CDC42BPG: variants seen among roughly 807,000 people sequenced by gnomAD.
The protein encoded by CDC42BPG is CDC42 binding protein kinase gamma.
Under a neutral mutation model 192.2 loss-of-function variants are expected in CDC42BPG, and 157 were observed. That is an observed-to-expected ratio of 0.82 (90% CI 0.72 to 0.93). CDC42BPG has a LOEUF of 0.93. Ranked by LOEUF, CDC42BPG falls within the 40% of genes least tolerant of loss-of-function variation. The pLI is 0.00. For missense variants in CDC42BPG, 1,992 were observed against 2,122.1 expected (o/e 0.94, Z 1.20); for synonymous variants, 981 against 918.5 (o/e 1.07, Z -1.23).
In CDC42BPG at chr11:64,824,371, G is replaced by A. The variant is rs756619950; in HGVS notation, c.*102C>T. On this transcript the variant is annotated 3_prime_UTR_variant, in exon 37 of 37. Coordinates refer to ENST00000342711, the MANE Select transcript of CDC42BPG (RefSeq NM_017525.3). ...CCCAGCCCGGGTCCTCCCTGAGTCC[G>A]AATTTCCATGTCCCGGACCAGCCGG... 3.7e-4 allele frequency: 343 copies of A among 914,886 alleles called. No individual in the cohort carries two copies. Among genetic ancestry groups the A allele is most frequent in the Non-Finnish European group, 5.2e-4 (280 of 542,252 alleles). 56.7% of individuals were successfully genotyped at this position (914,886 alleles called of 1,614,324 possible). A position where few individuals can be genotyped will look rare whatever the true frequency, so the allele number is the denominator to read the frequency against.
chr11:64,839,199 T>C lies in CDC42BPG; in HGVS notation c.710A>G (p.Tyr237Cys), dbSNP rs760928514. 12 of 1,613,132 alleles carry C rather than the reference T, an allele frequency of 7.4e-6. No individual in the cohort carries two copies. The highest frequency in any genetic ancestry group is 2.2e-5 in the East Asian group (1 of 44,898). The change falls in exon 7 of 37, where the codon TAT becomes TGT. Residue 237 changes from tyrosine (Y) to cysteine (C), a missense_variant. This residue lies in a region of CDC42BPG where 1,656 missense variants were observed against 1,844.3 expected (regional missense o/e 0.90). Transcript: ENST00000342711. ...DSSVAVGTPD[Y>C]ISPEILQAME... ...GGCCTGCAGGATCTCAGGGGAGATA[T>C]AGTCCGGCGTCCCTACTGCCACTGA...
chr11:64,844,386 G>C, intron 1 of CDC42BPG, 24 bp downstream of exon 1: 2 of 1,379,898 alleles, frequency 1.4e-6, no homozygotes, highest in Admixed American at 3.3e-5. Flanking sequence ...GCCCGCCCCC[G>C]CTCCGTGCCG....
Position 64,838,908 on chromosome 11 carries a change from G to A in CDC42BPG, c.877-6C>T. 6.2e-7 allele frequency: 1 copy of A among 1,605,700 alleles called. No individual in the cohort carries two copies. The highest frequency in any genetic ancestry group is 1.1e-5 in the South Asian group (1 of 91,014). On this transcript the variant is annotated splice_region_variant and splice_polypyrimidine_tract_variant and intron_variant, in intron 7 of 36. Coordinates refer to ENST00000342711, the MANE Select transcript of CDC42BPG (RefSeq NM_017525.3). ...GGGGGGAACTGCAGGTGGTCCTGTG[G>A]GTCGGGGGAGGGGGCAGGCTGGGTC...
intron 9 of CDC42BPG, 69 bp downstream of exon 9, chr11:64,838,014 T>C (rs1453990020): frequency 7.5e-7 from 1 of 1,329,006 alleles, no homozygotes; most frequent in Non-Finnish European, 1.1e-6. Flanking sequence ...CCCAGTGGGC[T>C]ACGCGCCCAG....
chr11:64,829,789 G>A lies in CDC42BPG; in HGVS notation c.3649C>T (p.Arg1217Cys), dbSNP rs71539692. The A allele has an allele frequency of 8.1e-4, 1,293 of 1,599,876 alleles. 10 individuals are homozygous for A. Among genetic ancestry groups the A allele is most frequent in the Middle Eastern group, 6.4e-3 (38 of 5,976 alleles). Reference sequence around the variant, plus strand: ...GGTGCCTGCAGCTCACGGATGCGGCGCTGCCAGGGCCCAGGGCCCGGGCCC... The same window carrying A: ...GGTGCCTGCAGCTCACGGATGCGGCACTGCCAGGGCCCAGGGCCCGGGCCC... ...QLGPGPGPWQ[R>C]RIRELQAPAT... is the part of the protein sequence containing the mutation. Residue 1217 changes from arginine to cysteine, a missense_variant, in exon 30 of 37, where the codon CGC becomes TGC. By Grantham distance (180) the Arg-to-Cys change is radical (BLOSUM62 -3). This residue lies in a region of CDC42BPG where 1,656 missense variants were observed against 1,844.3 expected (regional missense o/e 0.90). Coordinates refer to ENST00000342711, the MANE Select transcript of CDC42BPG (RefSeq NM_017525.3).
At chr11:64,834,220 C>G in intron 20 of CDC42BPG, 46 bp downstream of exon 20, 1 of 1,519,320 alleles carries the variant, frequency 6.6e-7, no homozygotes, top group Non-Finnish European at 8.8e-7. Flanking sequence ...AAGTGGGAGG[C>G]CGCGGGGGAG....
intron 17 of CDC42BPG, 30 bp downstream of exon 17, chr11:64,835,017 T>TGCCCCCCCCCCCCCCCCCCC: frequency 1.3e-6 from 2 of 1,571,956 alleles, no homozygotes; most frequent in Non-Finnish European, 1.7e-6. Context: ...TCGCCTGCGT[T>TGCCCCCCCCCCCCCCCCCCC]CCCCACCCCG....
chr11:64,831,408 A>G, intron 28 of CDC42BPG, 97 bp downstream of exon 28: 1 of 1,144,026 alleles, frequency 8.7e-7, no homozygotes, highest in Non-Finnish European at 1.3e-6. Flanking sequence ...TCGTGGCTGC[A>G]GGGAATGGGC....
Position 64,829,468 on chromosome 11 carries a change from T to C in CDC42BPG, c.3967+3A>G, listed in dbSNP as rs929305767. 3.7e-6 allele frequency: 6 copies of C among 1,612,250 alleles called. No homozygotes were observed. In the African/African-American group the frequency reaches 4.0e-5, roughly 11 times the overall value. ...CCCCTGCCAAGCCCTCAGCAGGCCT[T>C]ACCCCAGCCCATGGGCGCTGCTGGC... On this transcript the variant is annotated splice_donor_region_variant and intron_variant, in intron 30 of 36. Coordinates refer to ENST00000342711, the MANE Select transcript of CDC42BPG (RefSeq NM_017525.3).
chr11:64,838,231 C>T, intron 8 of CDC42BPG, 69 bp from the exon 9 acceptor site: 6 of 1,293,548 alleles, frequency 4.6e-6, no homozygotes, highest in Non-Finnish European at 6.4e-6. Context: ...CCCAGGAGCC[C>T]CCTGGGACCA....
At chr11:64,841,512 T>C in intron 3 of CDC42BPG, 138 bp downstream of exon 3, 1 of 680,990 alleles carries the variant, frequency 1.5e-6, no homozygotes, top group Non-Finnish European at 2.6e-6. Context: ...AGATAACAAA[T>C]CAGTGGCTGC....
intron 24 of CDC42BPG, 84 bp downstream of exon 24, chr11:64,833,146 AC>A: frequency 3.1e-6 from 4 of 1,271,772 alleles, no homozygotes; most frequent in Non-Finnish European, 4.4e-6. Context: ...GGTGCCAGTG[AC>A]CCTGGGATGG....
intron 8 of CDC42BPG, 118 bp from the exon 9 acceptor site, chr11:64,838,280 G>T (rs997767323): frequency 5.4e-6 from 4 of 737,422 alleles, no homozygotes; most frequent in Non-Finnish European, 8.8e-6. Context: ...ACTCAGGGGG[G>T]TAACACAGCC....
chr11:64,841,497 G>T (rs1943279486), intron 3 of CDC42BPG, among the ~76,000 whole-genome samples, 153 bp downstream of exon 3: 1 of 151,898 alleles, frequency 6.6e-6, no homozygotes, highest in Non-Finnish European at 1.5e-5. Flanking sequence ...GGTTTATTGT[G>T]AGAAAGATAA....
In CDC42BPG at chr11:64,839,518, G is replaced by A. The variant is rs767825522; in HGVS notation, c.635C>T (p.Ala212Val). 1 of 1,613,276 alleles carries A rather than the reference G, an allele frequency of 6.2e-7. No individual in the cohort carries two copies. The highest frequency in any genetic ancestry group is 8.5e-7 in the Non-Finnish European group (1 of 1,179,988). The part of the protein sequence containing the change: ...LLDVNGHIRL[A>V]DFGSCLRLNT... The stretch of plus-strand genomic sequence containing the variant: ...GAGACGCAGGCAGGAGCCGAAGTCA[G>A]CCAGGCGAATGTGCCCGTTCACATC... Residue 212 changes from alanine (A) to valine (V), a missense_variant, in exon 6 of 37, where the codon GCT (alanine) becomes GTT (valine). Coordinates refer to ENST00000342711, the MANE Select transcript of CDC42BPG (RefSeq NM_017525.3).
intron 27 of CDC42BPG, 63 bp downstream of exon 27, chr11:64,832,365 G>T: frequency 6.5e-7 from 1 of 1,526,782 alleles, no homozygotes; most frequent in Non-Finnish European, 9.0e-7. Context: ...GGGGACAGTG[G>T]CCAGAGCTGG....
At chr11:64,826,911 AAGTCCCAGGTAGCAGAAGTGTG>A (rs1942449230) in intron 34 of CDC42BPG, 117 bp from the exon 35 acceptor site, 1 of 1,255,780 alleles carries the variant, frequency 8.0e-7, no homozygotes, top group Non-Finnish European at 1.1e-6. Context: ...GGTTTTACTT[AAGTCCCAGGTAGCAGAAGTGTG>A]AGTCCCAGGC....
intron 1 of CDC42BPG, among the ~76,000 whole-genome samples, chr11:64,843,209 C>G (rs917689323): frequency 7.2e-5 from 11 of 152,152 alleles, no homozygotes; most frequent in Admixed American, 7.2e-4. Flanking sequence ...AGGAATGAGT[C>G]ACAGCCCTTT....
chr11:64,827,718 C>T lies in CDC42BPG; in HGVS notation c.4033G>A (p.Ala1345Thr), dbSNP rs756646608. 1 of 1,613,356 alleles carries T rather than the reference C, an allele frequency of 6.2e-7. No homozygotes were observed. Among genetic ancestry groups the T allele is most frequent in the South Asian group, 1.1e-5 (1 of 90,934 alleles). ...AGCGGCACGGTCTGCACCCATTCTG[C>T]CCTCCTCACGTCAAACACATCGATG... ...NSIDVFDVRRAEWVQTVPLKK... is the reference protein window; with the variant it reads ...NSIDVFDVRRTEWVQTVPLKK... Residue 1345 changes from alanine (A) to threonine (T), a missense_variant, in exon 31 of 37, where the codon GCA becomes ACA. Transcript: ENST00000342711.
Sources: gnomAD v4.1 joint callset for allele counts (sites outside exome capture counted in the v4.1 genomes callset) on GRCh38, gnomAD v4.1.1 for gene constraint, gnomAD v4.1.1 regional missense constraint, MANE v1.5 for transcripts, NCBI Gene and HGNC (gene_info 2026-07-23, HGNC 2026-07-21) for gene names.